TSHZ2: variants seen among roughly 807,000 people sequenced by gnomAD.
TSHZ2 encodes the protein teashirt zinc finger homeobox 2.
In TSHZ2, 21 loss-of-function variants were observed where a neutral mutation model predicts 74.4. The ratio of observed to expected loss-of-function variants is 0.28; its 90% CI spans 0.20 to 0.41. The LOEUF (loss-of-function observed/expected upper bound fraction) is 0.41, where lower values mean the gene tolerates loss of function less well. TSHZ2 is among the 10% of genes least tolerant of loss of function. TSHZ2 has a pLI of 1.00. For synonymous variants in TSHZ2, 540 were observed against 515.3 expected (o/e 1.05, Z -0.65); for missense variants, 1,244 against 1,293.5 (o/e 0.96, Z 0.59).
intron 2 of TSHZ2, among the ~76,000 whole-genome samples, chr20:53,364,258 C>T (rs546609988): frequency 1.3e-5 from 2 of 152,322 alleles, no homozygotes; most frequent in South Asian, 4.1e-4. Context: ...GCCCAGCTGG[C>T]AGGTATTCTC....
intron 1 of TSHZ2, among the ~76,000 whole-genome samples, chr20:53,000,732 T>C (rs950328585): frequency 1.3e-5 from 2 of 152,156 alleles, no homozygotes; most frequent in African/African-American, 4.8e-5. Flanking sequence ...GGAGATGAGA[T>C]GACGGAAGCT....
intron 2 of TSHZ2, among the ~76,000 whole-genome samples, chr20:53,348,772 C>A (rs1980536702): frequency 6.6e-6 from 1 of 152,200 alleles, no homozygotes; most frequent in Non-Finnish European, 1.5e-5. Context: ...CTTTCAGAAG[C>A]AGATACTTAA....
At chr20:53,020,298 A>C (rs998852240) in intron 1 of TSHZ2, among the ~76,000 whole-genome samples, 3 of 152,044 alleles carry the variant, frequency 2.0e-5, no homozygotes, top group Non-Finnish European at 2.9e-5. Context: ...TTTTATTCTC[A>C]TTCTTCCTTT....
At chr20:53,478,717 AAG>A (rs1309455243) in intron 2 of TSHZ2, among the ~76,000 whole-genome samples, 2 of 151,930 alleles carry the variant, frequency 1.3e-5, no homozygotes, top group Non-Finnish European at 1.5e-5. Context: ...AAAAAAAAGA[AAG>A]AGCTCGTGGG....
chr20:53,054,892 T>C (rs1277520765), intron 1 of TSHZ2, among the ~76,000 whole-genome samples: 4 of 152,182 alleles, frequency 2.6e-5, no homozygotes, highest in African/African-American at 9.7e-5. Flanking sequence ...GGAATGCTCA[T>C]GCTCATTTAA....
chr20:53,454,737 G>A (rs1984980949), intron 2 of TSHZ2, among the ~76,000 whole-genome samples: 2 of 152,038 alleles, frequency 1.3e-5, no homozygotes, highest in Non-Finnish European at 1.5e-5. Flanking sequence ...AGAATGGATG[G>A]TTATGGTTTC....
At position 53,295,252 on chromosome 20, in the gene TSHZ2, G is replaced by A. The variant is rs183298364; in HGVS notation, c.*8+38681G>A. 4.9e-3 allele frequency among the ~76,000 whole-genome samples: 746 copies of A among 152,188 alleles called. 1 individual carries two copies. Among genetic ancestry groups the A allele is most frequent in the Non-Finnish European group, 7.5e-3 (509 of 68,022 alleles). ...AGTTATAAAAAATTTGCGTTCTGTG[G>A]TCCAAAACCCTCCTGTTCAAATCTT... On this transcript the variant is annotated intron_variant, in intron 2 of 2. Coordinates refer to ENST00000371497, the MANE Select transcript of TSHZ2 (RefSeq NM_173485.6).
At chr20:53,281,130 A>G (rs1991053156) in intron 2 of TSHZ2, among the ~76,000 whole-genome samples, 1 of 152,254 alleles carries the variant, frequency 6.6e-6, no homozygotes, top group South Asian at 2.1e-4. Context: ...ATTTAATCAA[A>G]GAGAATAATT....
At chr20:53,387,765 A>G (rs1285216569) in intron 2 of TSHZ2, among the ~76,000 whole-genome samples, 2 of 152,182 alleles carry the variant, frequency 1.3e-5, no homozygotes, top group African/African-American at 4.8e-5. Context: ...AAAGATAACT[A>G]GGCGGGCATG....
intron 2 of TSHZ2, among the ~76,000 whole-genome samples, chr20:53,479,073 G>C (rs911947415): frequency 1.3e-5 from 2 of 151,770 alleles, no homozygotes; most frequent in African/African-American, 4.8e-5. Flanking sequence ...ACTGAGGCAG[G>C]AGAATCACTT....
At chr20:53,412,634 G>C (rs369161878) in intron 2 of TSHZ2, 31 of 152,312 alleles carry the variant, frequency 2.0e-4, no homozygotes, top group African/African-American at 7.5e-4. Context: ...CCGTCTCTCA[G>C]GGGGTGCACA....
chr20:52,997,569 G>T (rs1982251544), intron 1 of TSHZ2, among the ~76,000 whole-genome samples: 1 of 134,696 alleles, frequency 7.4e-6, no homozygotes, highest in African/African-American at 2.6e-5. Flanking sequence ...AACCTAACCT[G>T]ATAAAAGAAA....
chr20:53,001,226 G>GTGTATGTGTGTGTGTGTGTGTGTGTA (rs796181075), intron 1 of TSHZ2, among the ~76,000 whole-genome samples: 2 of 146,720 alleles, frequency 1.4e-5, no homozygotes, highest in African/African-American at 2.5e-5. Context: ...GTGTGTGTGT[G>GTGTATGTGTGTGTGTGTGTGTGTGTA]TGTGTGTGTG....
intron 1 of TSHZ2, among the ~76,000 whole-genome samples, chr20:53,198,644 G>A (rs1988930802): frequency 2.0e-5 from 3 of 151,798 alleles, no homozygotes; most frequent in Non-Finnish European, 4.4e-5. Context: ...AAACTGCAAA[G>A]CATATTGGAA....
At chr20:53,277,133 T>G (rs910839573) in intron 2 of TSHZ2, among the ~76,000 whole-genome samples, 15 of 152,160 alleles carry the variant, frequency 9.9e-5, no homozygotes, top group Non-Finnish European at 4.4e-5. Context: ...TTGTACTGTA[T>G]TAAGAGGAAT....
At chr20:53,051,453 G>GCGCACACACA (rs1423362488) in intron 1 of TSHZ2, among the ~76,000 whole-genome samples, 3 of 103,064 alleles carry the variant, frequency 2.9e-5, no homozygotes, top group South Asian at 6.9e-4. Context: ...ACTCTGTGGC[G>GCGCACACACA]CACGCACACA....
chr20:53,184,097 C>T (rs918675210), intron 1 of TSHZ2, among the ~76,000 whole-genome samples: 8 of 152,196 alleles, frequency 5.3e-5, no homozygotes, highest in African/African-American at 1.7e-4. Flanking sequence ...TGCCTTCATC[C>T]TGCCATTTTT....
In TSHZ2 at chr20:53,255,871, G is replaced by A; in HGVS notation, c.2413G>A (p.Ala805Thr). ...CGACATGGTCAAAGTCCTCCCCAAA[G>A]CCACCACCCCAAAGCCAGCCTCCTC... ...IADMVKVLPK[A>T]TTPKPASSSR... is the part of the protein sequence containing the mutation. The change falls in exon 2 of 3, where the codon GCC becomes ACC. Residue 805 changes from alanine (A) to threonine (T), a missense_variant. This residue lies in a region of TSHZ2 where 562 missense variants were observed against 544.0 expected (regional missense o/e 1.03). Transcript: ENST00000371497. This position sits in a 1 kb window ranked among gnomAD's most constrained non-coding sequence, Gnocchi z 4.1. 1 of 1,612,614 alleles carries A rather than the reference G, an allele frequency of 6.2e-7. No homozygotes were observed. The highest frequency in any genetic ancestry group is 1.7e-4 in the Middle Eastern group (1 of 6,058).
chr20:53,038,900 G>GTTTTGT (rs748995371), intron 1 of TSHZ2, among the ~76,000 whole-genome samples: 1,927 of 143,614 alleles, frequency 0.013, 55 homozygotes, highest in African/African-American at 0.051. Flanking sequence ...TTGTTTGTTT[G>GTTTTGT]TTTGTTTGTT....
Sources: gnomAD v4.1 joint callset for allele counts (sites outside exome capture counted in the v4.1 genomes callset) on GRCh38, gnomAD v4.1.1 for gene constraint, gnomAD v4.1.1 regional missense constraint, Gnocchi (gnomAD v3.1) non-coding constraint, MANE v1.5 for transcripts, NCBI Gene and HGNC (gene_info 2026-07-23, HGNC 2026-07-21) for gene names.